The following CHRNA4 variants were observed in gnomAD, a reference collection of about 807,000 sequenced individuals.
CHRNA4 encodes cholinergic receptor nicotinic alpha 4 subunit, also known as neuronal acetylcholine receptor subunit alpha-4.
A neutral mutation model predicts 48.9 loss-of-function variants in CHRNA4; 28 were observed. The ratio of observed to expected loss-of-function variants is 0.57; its 90% confidence interval spans 0.42 to 0.79. CHRNA4 has a LOEUF of 0.79. Ranked by LOEUF, CHRNA4 falls within the 30% of genes least tolerant of loss-of-function variation. The pLI, the probability that CHRNA4 is intolerant of heterozygous loss-of-function variation, is 0.00. For synonymous variants in CHRNA4, 425 were observed against 402.3 expected, an observed-to-expected ratio of 1.06 and a Z score of -0.68; for missense variants, 859 against 898.4, an observed-to-expected ratio of 0.96 and a Z score of 0.56.
In CHRNA4 at chr20:63,344,797, C is replaced by T. The variant is rs199627458; in HGVS notation, c.*1941G>A. 1 of 453,434 alleles carries T rather than the reference C, an allele frequency of 2.2e-6. No individual in the cohort carries two copies. The highest frequency in any genetic ancestry group is 4.4e-6 in the Non-Finnish European group (1 of 226,458). The allele number at this position is 453,434 out of a possible 1,614,324, so 28.1% of individuals were successfully genotyped here. On this transcript the variant is annotated 3_prime_UTR_variant, in exon 6 of 6. Transcript: ENST00000370263. The surrounding 1 kb of genome is among the most constrained non-coding windows in gnomAD (Gnocchi z 4.5). ...CGGGATGACCTCACTCTCCCAGGGT[C>T]TCCCTGCGTCCTGGGAGCTCTGGCC...
chr20:63,359,910 TG>T, intron 1 of CHRNA4: 1 of 510,886 alleles, frequency 2.0e-6, no homozygotes. Flanking sequence ...TGTGTGTGTG[TG>T]TGTGTGTGTG....
At chr20:63,357,001 C>CGCCA (rs71197409) in intron 2 of CHRNA4, among the ~76,000 whole-genome samples, 1 of 148,486 alleles carries the variant, frequency 6.7e-6, no homozygotes, top group African/African-American at 2.5e-5. Context: ...CCGACCACAT[C>CGCCA]TCCATGGACC....
At position 63,350,210 on chromosome 20, in the gene CHRNA4, G is replaced by A. The variant is rs1300951850; in HGVS notation, c.1201C>T (p.Leu401=). 6.2e-7 allele frequency: 1 copy of A among 1,604,684 alleles called. No homozygotes were observed. Among genetic ancestry groups the A allele is most frequent in the East Asian group, 2.2e-5 (1 of 44,542 alleles). The change falls in exon 5 of 6, where the codon CTG becomes TTG. Residue 401 remains leucine, a synonymous_variant. Transcript: ENST00000370263. ...EPPATSGTQS[L]HPPSPSFCVP... is the part of the protein sequence containing the mutation. ...CAGAAGGACGGTGAGGGCGGGTGCA[G>A]GCTCTGGGTGCCGCTCGTGGCAGGG...
At chr20:63,356,526 G>A in intron 2 of CHRNA4, 111 bp from the exon 3 acceptor site, 1 of 1,156,528 alleles carries the variant, frequency 8.6e-7, no homozygotes, top group Non-Finnish European at 1.3e-6. Flanking sequence ...GCAAGATATG[G>A]TGGACGGGCG....
chr20:63,359,620 G>A lies in CHRNA4; in HGVS notation c.156C>T (p.Ser52=). Residue 52 remains serine, a synonymous_variant, in exon 2 of 6, where the codon TCC becomes TCT. Coordinates refer to ENST00000370263, the MANE Select transcript of CHRNA4 (RefSeq NM_000744.7). ...CGTCCGAGATGTTGGCCACGGGTCGGGACCACTTGTTGTAACCGGAGAAGA... is the reference window on the plus strand; with the variant it reads ...CGTCCGAGATGTTGGCCACGGGTCGAGACCACTTGTTGTAACCGGAGAAGA... ...KKLFSGYNKW[S]RPVANISDVV... 1 of 1,612,712 alleles carries A rather than the reference G, an allele frequency of 6.2e-7. No homozygotes were observed.
intron 4 of CHRNA4, chr20:63,354,792 G>C: frequency 3.6e-6 from 1 of 275,348 alleles, no homozygotes; most frequent in Non-Finnish European, 5.5e-6. Flanking sequence ...GGCGGATTCG[G>C]TGCATGGTCC....
chr20:63,351,240 G>GTCCACATCCATGTCCACGTCCACA (rs1178640155), intron 4 of CHRNA4: 1 of 463,282 alleles, frequency 2.2e-6, no homozygotes, highest in African/African-American at 2.3e-5. Flanking sequence ...CCACACCCAC[G>GTCCACATCCATGTCCACGTCCACA]TCCACGTCCA....
Position 63,350,444 on chromosome 20 carries a change from T to C in CHRNA4, c.967A>G (p.Ile323Val), listed in dbSNP as rs200985465. ...TMIFVTLSIV[I>V]TVFVLNVHHR... is the part of the protein sequence containing the mutation. ...TGCACGTTGAGCACGAAGACCGTGATGACGATGGACAGGGTGACGAAGATC... is the reference window on the plus strand; with the variant it reads ...TGCACGTTGAGCACGAAGACCGTGACGACGATGGACAGGGTGACGAAGATC... The change falls in exon 5 of 6, where the codon ATC (isoleucine) becomes GTC (valine). Residue 323 changes from isoleucine (I) to valine (V), a missense_variant. By Grantham distance (29) the Ile-to-Val change is conservative. Around this residue, in one of 3 missense-constraint regions of CHRNA4, gnomAD observed 478 missense variants for 455.4 expected, o/e 1.05. Transcript: ENST00000370263. 12 of 1,613,522 alleles carry C rather than the reference T, an allele frequency of 7.4e-6. No homozygotes were observed. The highest frequency in any genetic ancestry group is 1.0e-5 in the Non-Finnish European group (12 of 1,180,022).
At chr20:63,353,522 G>GT in intron 4 of CHRNA4, among the ~76,000 whole-genome samples, 1 of 109,190 alleles carries the variant, frequency 9.2e-6, no homozygotes, top group Non-Finnish European at 2.0e-5. Context: ...GTCCTGGGGG[G>GT]CTGTGGTCCT....
At chr20:63,359,478 C>T in intron 2 of CHRNA4, 70 bp downstream of exon 2, 1 of 1,597,392 alleles carries the variant, frequency 6.3e-7, no homozygotes. Flanking sequence ...TCCCCTCTGC[C>T]CACCCAGACC....
At chr20:63,360,097 G>A (rs1568820412) in intron 1 of CHRNA4, 1 of 290,148 alleles carries the variant, frequency 3.4e-6, no homozygotes. Flanking sequence ...GGACTGCTTT[G>A]GGTCTCCTGT....
chr20:63,349,030 C>A (rs899397361), intron 5 of CHRNA4, among the ~76,000 whole-genome samples: 2 of 152,070 alleles, frequency 1.3e-5, no homozygotes, highest in East Asian at 1.9e-4. Context: ...GGCCCCGGGC[C>A]CCGGGGGGCC....
At chr20:63,347,366 C>A (rs2068512730) in intron 5 of CHRNA4, among the ~76,000 whole-genome samples, 1 of 152,206 alleles carries the variant, frequency 6.6e-6, no homozygotes, top group South Asian at 2.1e-4. Context: ...GCAGAGCTGC[C>A]GCCATCTGCA....
chr20:63,349,866 G>A lies in CHRNA4; in HGVS notation c.1545C>T (p.Thr515=). Reference sequence around the variant, plus strand: ...CTGGGGGTGGGAGCTCAGCCGAGTGGGTGTTGCGAGAGGCCAGGGCGCCGG... The same window carrying A: ...CTGGGGGTGGGAGCTCAGCCGAGTGAGTGTTGCGAGAGGCCAGGGCGCCGG... ...QAAGALASRN[T]HSAELPPPDQ... The change falls in exon 5 of 6, where the codon ACC becomes ACT. Residue 515 remains threonine (T), a synonymous_variant. Coordinates refer to ENST00000370263, the MANE Select transcript of CHRNA4 (RefSeq NM_000744.7). The A allele has an allele frequency of 1.3e-6, 2 of 1,594,324 alleles. No individual in the cohort carries two copies. Among genetic ancestry groups the A allele is most frequent in the Middle Eastern group, 1.7e-4 (1 of 5,928 alleles).
Position 63,355,955 on chromosome 20 carries a change from A to T in CHRNA4, c.383+20T>A. ...CCCACCAAGGCCCTGTAGAGGACTCACTTGTTGTAGAGGACTCACTTGTTG... is the reference window on the plus strand; with the variant it reads ...CCCACCAAGGCCCTGTAGAGGACTCTCTTGTTGTAGAGGACTCACTTGTTG... On this transcript the variant is annotated intron_variant, in intron 4 of 5. Transcript: ENST00000370263. 1.2e-6 allele frequency: 2 copies of T among 1,609,826 alleles called. No homozygotes were observed. The highest frequency in any genetic ancestry group is 1.7e-6 in the Non-Finnish European group (2 of 1,178,416).
At chr20:63,354,595 C>T (rs1255967696) in intron 4 of CHRNA4, 40 of 441,986 alleles carry the variant, frequency 9.1e-5, no homozygotes, top group Non-Finnish European at 1.0e-4. Context: ...GTGGGGGGGG[C>T]TGCAGTACTC....
At position 63,355,980 on chromosome 20, in the gene CHRNA4, G is replaced by A. The variant is rs1171834211; in HGVS notation, c.378C>T (p.Tyr126=). ...ACTTGTTGTAGAGGACTCACTTGTTGTAGAGGACGATGTCCGGCCGCCAGA... is the reference window on the plus strand; with the variant it reads ...ACTTGTTGTAGAGGACTCACTTGTTATAGAGGACGATGTCCGGCCGCCAGA... The part of the protein sequence containing the change: ...ELIWRPDIVL[Y]NNADGDFAVT... The change falls in exon 4 of 6, where the codon TAC becomes TAT. Residue 126 remains tyrosine (Y), a synonymous_variant. Coordinates refer to ENST00000370263, the MANE Select transcript of CHRNA4 (RefSeq NM_000744.7). 1.2e-6 allele frequency: 2 copies of A among 1,612,208 alleles called. No individual in the cohort carries two copies. The highest frequency in any genetic ancestry group is 1.1e-5 in the South Asian group (1 of 91,014).
chr20:63,359,215 G>C (rs1252850631), intron 2 of CHRNA4, among the ~76,000 whole-genome samples: 1 of 152,110 alleles, frequency 6.6e-6, no homozygotes, highest in African/African-American at 2.4e-5. Context: ...GTTGCTCCGA[G>C]GTCACAGCGT....
Position 63,344,371 on chromosome 20 carries a change from C to G in CHRNA4, c.*2367G>C, listed in dbSNP as rs199844434. The stretch of plus-strand genomic sequence containing the variant: ...CTCCACTGAAGAGCATGCATCTCAC[C>G]ATATGTAAATTTTACCTTAATTAAT... On this transcript the variant is annotated 3_prime_UTR_variant, in exon 6 of 6. Transcript: ENST00000370263. This position sits in a 1 kb window ranked among gnomAD's most constrained non-coding sequence, Gnocchi z 4.5. 1.5e-5 allele frequency: 7 copies of G among 453,866 alleles called. No homozygotes were observed. Among genetic ancestry groups the G allele is most frequent in the Non-Finnish European group, 3.1e-5 (7 of 226,782 alleles). 28.1% of individuals were successfully genotyped at this position (453,866 alleles called of 1,614,324 possible).
Sources: allele counts gnomAD v4.1 joint callset (sites outside exome capture counted in the v4.1 genomes callset), GRCh38; gene constraint gnomAD v4.1.1; regional missense constraint gnomAD v4.1.1; non-coding constraint Gnocchi (gnomAD v3.1); transcripts MANE v1.5; gene names NCBI Gene and HGNC (gene_info 2026-07-23, HGNC 2026-07-21).